The following TSHZ2 variants were observed in gnomAD, a reference collection of about 807,000 sequenced individuals.
TSHZ2 encodes teashirt zinc finger homeobox 2.
TSHZ2 carries 21 observed loss-of-function variants against 74.4 expected under a neutral mutation model. That is an observed-to-expected ratio of 0.28 (90% CI 0.20 to 0.41). The LOEUF (loss-of-function observed/expected upper bound fraction) is 0.41. TSHZ2 is among the 10% of genes least tolerant of loss of function. The pLI is 1.00. For missense variants in TSHZ2, 1,244 were observed against 1,293.5 expected, an observed-to-expected ratio of 0.96 and a Z score of 0.59; for synonymous variants, 540 against 515.3, an observed-to-expected ratio of 1.05 and a Z score of -0.65.
chr20:53,066,445 G>A (rs1349441522), intron 1 of TSHZ2, among the ~76,000 whole-genome samples: 1 of 152,014 alleles, frequency 6.6e-6, no homozygotes, highest in Non-Finnish European at 1.5e-5. Context: ...GTGAGAAAAT[G>A]GAGGTGAAGT....
chr20:53,000,116 A>G (rs1334716603), intron 1 of TSHZ2, among the ~76,000 whole-genome samples: 1 of 152,126 alleles, frequency 6.6e-6, no homozygotes, highest in Non-Finnish European at 1.5e-5. Context: ...AGGTTCAAGT[A>G]AGTATCAGAT....
chr20:53,284,232 C>A (rs997778561), intron 2 of TSHZ2, among the ~76,000 whole-genome samples: 1 of 152,184 alleles, frequency 6.6e-6, no homozygotes, highest in African/African-American at 2.4e-5. Flanking sequence ...ATCTTAGTTA[C>A]GCACGCCCAT....
chr20:53,474,041 T>A (rs1985914650), intron 2 of TSHZ2, among the ~76,000 whole-genome samples: 1 of 151,194 alleles, frequency 6.6e-6, no homozygotes. Flanking sequence ...TTGGGGTACC[T>A]GAAAGCGATG....
At chr20:53,470,821 T>A (rs6013697) in intron 2 of TSHZ2, among the ~76,000 whole-genome samples, 15 of 97,406 alleles carry the variant, frequency 1.5e-4, no homozygotes, top group African/African-American at 2.7e-4. Flanking sequence ...TCAAAAAAAA[T>A]AAATAAATAA....
chr20:53,340,447 G>A (rs1980151305), intron 2 of TSHZ2, among the ~76,000 whole-genome samples: 1 of 152,174 alleles, frequency 6.6e-6, no homozygotes, highest in Non-Finnish European at 1.5e-5. Context: ...GCCTCCCAAA[G>A]TGCTGGGATT....
Position 53,448,974 on chromosome 20 carries a change from C to A in TSHZ2, c.*9-38170C>A, listed in dbSNP as rs370188602. On this transcript the variant is annotated intron_variant, in intron 2 of 2. Transcript: ENST00000371497. ...TTTGCACACATTATCACCAACTCTC[C>A]CACACACAAAAAAAAGATGTATATA... Among the ~76,000 whole-genome samples the A allele has an allele frequency of 1.3e-3, 203 of 152,166 alleles. 1 individual carries two copies. Among genetic ancestry groups the A allele is most frequent in the African/African-American group, 4.3e-3 (180 of 41,526 alleles).
chr20:52,990,635 G>A (rs950307190), intron 1 of TSHZ2, among the ~76,000 whole-genome samples: 3 of 152,250 alleles, frequency 2.0e-5, no homozygotes, highest in East Asian at 1.9e-4. Context: ...AGGGAAGGAA[G>A]AGCCCCCCGG....
chr20:53,057,042 T>C (rs1162485517), intron 1 of TSHZ2, among the ~76,000 whole-genome samples: 2 of 152,174 alleles, frequency 1.3e-5, no homozygotes, highest in Admixed American at 6.5e-5. Context: ...GTTCTCATGA[T>C]AGTGAATAAA....
intron 2 of TSHZ2, among the ~76,000 whole-genome samples, chr20:53,425,226 A>G (rs1476753173): frequency 6.6e-6 from 1 of 152,228 alleles, no homozygotes; most frequent in East Asian, 1.9e-4. Context: ...ACTACATAGC[A>G]GAGCAGAAAT....
intron 2 of TSHZ2, among the ~76,000 whole-genome samples, chr20:53,441,633 A>G (rs1273493297): frequency 6.6e-6 from 1 of 150,882 alleles, no homozygotes; most frequent in Non-Finnish European, 1.5e-5. Flanking sequence ...CCCAGGCTGG[A>G]GTGTAGTAGT....
intron 1 of TSHZ2, among the ~76,000 whole-genome samples, chr20:53,234,381 T>C (rs1371349451): frequency 1.3e-5 from 2 of 152,168 alleles, no homozygotes; most frequent in African/African-American, 4.8e-5. Context: ...CATGCACAGG[T>C]GCCTCCATAC....
intron 2 of TSHZ2, among the ~76,000 whole-genome samples, chr20:53,388,343 G>A (rs1982122228): frequency 6.6e-6 from 1 of 152,132 alleles, no homozygotes; most frequent in Admixed American, 6.6e-5. Flanking sequence ...CAAATTATTG[G>A]GTATTCGCTC....
Position 53,487,379 on chromosome 20 carries a change from A to T in TSHZ2, c.*244A>T, listed in dbSNP as rs548311611. 1.6e-4 allele frequency: 25 copies of T among 151,734 alleles called. No homozygotes were observed. Among genetic ancestry groups the T allele is most frequent in the African/African-American group, 5.8e-4 (24 of 41,328 alleles). 9.4% of individuals were successfully genotyped at this position (151,734 alleles called of 1,614,324 possible). A position where few individuals can be genotyped will look rare whatever the true frequency, so the allele number is the denominator to read the frequency against. On this transcript the variant is annotated 3_prime_UTR_variant, in exon 3 of 3. Transcript: ENST00000371497. ...CTTCTCTGCTTATGGGCGGTATTAG[A>T]TTTTCATTGATAAATTGCAATGGGG... is the stretch of plus-strand genomic sequence containing the variant.
intron 1 of TSHZ2, among the ~76,000 whole-genome samples, chr20:53,055,802 C>T (rs910998699): frequency 1.3e-4 from 20 of 152,168 alleles, no homozygotes; most frequent in African/African-American, 4.6e-4. Flanking sequence ...TTGAATCCAG[C>T]CTGCAGTCTG....
intron 1 of TSHZ2, among the ~76,000 whole-genome samples, chr20:53,048,442 C>T (rs1984308875): frequency 6.6e-6 from 1 of 152,196 alleles, no homozygotes; most frequent in Non-Finnish European, 1.5e-5. Context: ...ACTTGGCAAT[C>T]CACTTTCCAT....
chr20:53,043,110 A>C (rs1717955219), intron 1 of TSHZ2, among the ~76,000 whole-genome samples: 1 of 152,216 alleles, frequency 6.6e-6, no homozygotes, highest in East Asian at 1.9e-4. Flanking sequence ...AGGGGAAAAA[A>C]GTTAGCATCT....
chr20:53,103,731 A>T (rs1722826551), intron 1 of TSHZ2, among the ~76,000 whole-genome samples: 1 of 152,194 alleles, frequency 6.6e-6, no homozygotes, highest in African/African-American at 2.4e-5. Flanking sequence ...TTTGCTGTTT[A>T]TACGAAGCTG....
chr20:53,414,637 A>T (rs950617696), intron 2 of TSHZ2, among the ~76,000 whole-genome samples: 1 of 152,152 alleles, frequency 6.6e-6, no homozygotes, highest in Non-Finnish European at 1.5e-5. Flanking sequence ...CAGCCTGGGC[A>T]ATAGAGCAAG....
intron 2 of TSHZ2, among the ~76,000 whole-genome samples, chr20:53,393,661 C>T (rs11907368): frequency 0.025 from 2,751 of 110,094 alleles, 72 homozygotes; most frequent in African/African-American, 0.089. Context: ...GAACTACACA[C>T]GCAAACACAC....
Sources: gnomAD v4.1 joint callset for allele counts (sites outside exome capture counted in the v4.1 genomes callset) on GRCh38, gnomAD v4.1.1 for gene constraint, MANE v1.5 for transcripts, NCBI Gene and HGNC (gene_info 2026-07-23, HGNC 2026-07-21) for gene names.